Variants in LEMD2 observed in about 807,000 individuals in gnomAD.
LEMD2 encodes the protein LEM domain nuclear envelope protein 2, also known as LEM domain-containing protein 2.
In LEMD2, 34 loss-of-function variants were observed where a neutral mutation model predicts 58.8. The observed-to-expected ratio is 0.58, with a 90% CI of 0.44 to 0.77. LEMD2 has a LOEUF of 0.77. Among genes scored for constraint, LEMD2 ranks in the 30% least tolerant of loss-of-function variants. LEMD2 has a pLI of 0.00. For synonymous variants in LEMD2, 298 were observed against 308.9 expected (o/e 0.96, Z 0.37); for missense variants, 629 against 717.9 (o/e 0.88, Z 1.42).
At position 33,776,997 on chromosome 6, in the gene LEMD2, C is replaced by G; in HGVS notation, c.1318G>C (p.Gly440Arg). Residue 440 changes from glycine to arginine, a missense_variant, in exon 8 of 9, where the codon GGC becomes CGC. Gly to Arg is a moderately radical substitution (Grantham distance 125). Transcript: ENST00000293760. ...EQDMERYPYV[G>R]ILHVRDSLIP... ...AAGCTGTCGCGCACGTGCAGGATGC[C>G]TACATATGGATAGCGCTCCATGTCC... The G allele has an allele frequency of 3.7e-6, 6 of 1,614,154 alleles. No individual in the cohort carries two copies. The highest frequency in any genetic ancestry group is 5.1e-6 in the Non-Finnish European group (6 of 1,180,028).
At position 33,776,960 on chromosome 6, in the gene LEMD2, T is replaced by G; in HGVS notation, c.1355A>C (p.Gln452Pro). Residue 452 changes from glutamine to proline, a missense_variant, in exon 8 of 9, where the codon CAG (glutamine) becomes CCG (proline). Coordinates refer to ENST00000293760, the MANE Select transcript of LEMD2 (RefSeq NM_181336.4). ...GCCCCAGCCAGGGACTCACCGGCTC[T>G]GTGGAGGGATCAAGCTGTCGCGCAC... ...LHVRDSLIPP[Q>P]SRRRMKRVWD... The G allele has an allele frequency of 6.2e-7, 1 of 1,613,312 alleles. No individual in the cohort carries two copies. The highest frequency in any genetic ancestry group is 1.8e-4 in the Middle Eastern group (1 of 5,538).
chr6:33,778,611 G>A lies in LEMD2; in HGVS notation c.1011-224C>T, dbSNP rs113062751. ...ACGGCAGCAGGCTTGAACCCCTACC[G>A]CTAAAGCAACGTCCCCCTGTCAGGT... On this transcript the variant is annotated intron_variant, in intron 5 of 8. Transcript: ENST00000293760. This position sits in a 1 kb window ranked among gnomAD's most constrained non-coding sequence, Gnocchi z 4.7. 5 of 379,378 alleles carry A rather than the reference G, an allele frequency of 1.3e-5. No homozygotes were observed. The highest frequency in any genetic ancestry group is 4.1e-5 in the African/African-American group (2 of 48,266). 23.5% of individuals were successfully genotyped at this position (379,378 alleles called of 1,614,324 possible).
intron 3 of LEMD2, chr6:33,781,493 C>T (rs928891228): frequency 2.2e-5 from 5 of 226,766 alleles, no homozygotes; most frequent in African/African-American, 1.1e-4. Flanking sequence ...TAAACACAGC[C>T]TGAGAAAAAA....
At position 33,777,056 on chromosome 6, in the gene LEMD2, T is replaced by C; in HGVS notation, c.1259A>G (p.Asp420Gly). The C allele has an allele frequency of 3.1e-6, 5 of 1,613,706 alleles. No individual in the cohort carries two copies. The highest frequency in any genetic ancestry group is 4.2e-6 in the Non-Finnish European group (5 of 1,179,584). ...AMYEMVKKII[D>G]VVQDHYVDWE... ...GTCCACGTAATGGTCCTGGACCACG[T>C]CTGCAGGAGAGAGCACACCATTTAG... Residue 420 changes from aspartate (D) to glycine (G), a missense_variant and splice_region_variant, in exon 8 of 9, where the codon GAC (aspartate) becomes GGC (glycine). By Grantham distance (94) the Asp-to-Gly change is moderately conservative. Transcript: ENST00000293760.
intron 8 of LEMD2, among the ~76,000 whole-genome samples, chr6:33,773,598 G>GGC (rs973371019): frequency 1.4e-5 from 2 of 145,446 alleles, no homozygotes; most frequent in African/African-American, 4.9e-5. Context: ...AGGAGGCGGG[G>GGC]GGGGGGCTAG....
At chr6:33,784,511 T>C in intron 2 of LEMD2, 84 bp from the exon 3 acceptor site, 1 of 792,414 alleles carries the variant, frequency 1.3e-6, no homozygotes, top group Non-Finnish European at 2.1e-6. Context: ...CCAGCCACAC[T>C]GTCAAATACT....
chr6:33,784,563 A>C, intron 2 of LEMD2, 136 bp from the exon 3 acceptor site: 1 of 646,354 alleles, frequency 1.5e-6, no homozygotes, highest in Non-Finnish European at 2.7e-6. Flanking sequence ...AATAGAAAAA[A>C]ATTCTGCCAA....
chr6:33,775,929 C>A (rs1332245423), intron 8 of LEMD2, among the ~76,000 whole-genome samples: 1 of 152,186 alleles, frequency 6.6e-6, no homozygotes, highest in African/African-American at 2.4e-5. Context: ...CAGCATCTGG[C>A]CAGAAACCAC....
intron 8 of LEMD2, among the ~76,000 whole-genome samples, chr6:33,774,137 C>A (rs1223444140): frequency 1.8e-4 from 28 of 151,962 alleles, no homozygotes; most frequent in Admixed American, 1.8e-3. Context: ...TAATGGCTAC[C>A]CTTGGATGAT....
chr6:33,772,882 T>C lies in LEMD2; in HGVS notation c.1362-104A>G, dbSNP rs542639277. On this transcript the variant is annotated intron_variant, in intron 8 of 8. Coordinates refer to ENST00000293760, the MANE Select transcript of LEMD2 (RefSeq NM_181336.4). ...ACATTTCCAGGCTCTGGCATGGAAT[T>C]TATGTAAGAGAGGAAAAGCTGGCAG... The C allele has an allele frequency of 3.3e-5, 36 of 1,092,962 alleles. No homozygotes were observed. In the Middle Eastern group the frequency reaches 8.6e-4, roughly 26 times the overall value. 67.7% of individuals were successfully genotyped at this position (1,092,962 alleles called of 1,614,324 possible).
chr6:33,780,835 G>A (rs930810474), intron 4 of LEMD2, among the ~76,000 whole-genome samples: 1 of 152,216 alleles, frequency 6.6e-6, no homozygotes, highest in African/African-American at 2.4e-5. Flanking sequence ...CACCTACAGT[G>A]CAGCAGTCAG....
At chr6:33,774,069 C>T (rs1051236471) in intron 8 of LEMD2, among the ~76,000 whole-genome samples, 9 of 152,104 alleles carry the variant, frequency 5.9e-5, no homozygotes, top group African/African-American at 1.7e-4. Flanking sequence ...GCTGCAGTGC[C>T]GTCTCATGCT....
At position 33,771,410 on chromosome 6, in the gene LEMD2, G is replaced by T. The variant is rs1767286797; in HGVS notation, c.*1218C>A. On this transcript the variant is annotated 3_prime_UTR_variant, in exon 9 of 9. Coordinates refer to ENST00000293760, the MANE Select transcript of LEMD2 (RefSeq NM_181336.4). ...AGTATTGCTCAAATGAGGGAGACTG[G>T]AGCTTTATTAAGGAAACAAAAAATA... is the stretch of plus-strand genomic sequence containing the variant. 2 of 152,252 alleles carry T rather than the reference G, an allele frequency of 1.3e-5. No individual in the cohort carries two copies. The highest frequency in any genetic ancestry group is 4.1e-4 in the South Asian group (2 of 4,834). The allele number at this position is 152,252 out of a possible 1,614,324, so 9.4% of individuals were successfully genotyped here.
At position 33,777,153 on chromosome 6, in the gene LEMD2, C is replaced by G; in HGVS notation, c.1243G>C (p.Val415Leu). The change falls in exon 7 of 9, where the codon GTG (valine) becomes CTG (leucine). Residue 415 changes from valine to leucine, a missense_variant. By Grantham distance (32) the Val-to-Leu change is conservative (BLOSUM62 1). This residue lies in a region of LEMD2 where 243 missense variants were observed against 336.8 expected (regional missense o/e 0.72). Coordinates refer to ENST00000293760, the MANE Select transcript of LEMD2 (RefSeq NM_181336.4). The stretch of plus-strand genomic sequence containing the variant: ...GGCCACGCACCTATAATCTTCTTCA[C>G]CATCTCATACATGGCTTGTTCCTCC... ...EEEEQAMYEM[V>L]KKIIDVVQDH... 1.2e-6 allele frequency: 2 copies of G among 1,614,132 alleles called. No individual in the cohort carries two copies. The highest frequency in any genetic ancestry group is 1.7e-6 in the Non-Finnish European group (2 of 1,179,926).
At chr6:33,780,743 G>A (rs779754120) in intron 4 of LEMD2, among the ~76,000 whole-genome samples, 2 of 152,170 alleles carry the variant, frequency 1.3e-5, no homozygotes, top group Non-Finnish European at 2.9e-5. Flanking sequence ...TAATCATACG[G>A]GGGAGAAGGG....
chr6:33,789,040 G>C lies in LEMD2; in HGVS notation c.77C>G (p.Thr26Ser), dbSNP rs201742534. 1.3e-6 allele frequency: 2 copies of C among 1,558,060 alleles called. No homozygotes were observed. Among genetic ancestry groups the C allele is most frequent in the Admixed American group, 3.7e-5 (2 of 53,502 alleles). ...LGFQPGPITDTTRDVYRNKLR... is the reference protein window; with the variant it reads ...LGFQPGPITDSTRDVYRNKLR... ...CTTGTTGCGGTAGACATCCCGGGTG[G>C]TGTCGGTGATGGGTCCTGGCTGGAA... Residue 26 changes from threonine to serine, a missense_variant, in exon 1 of 9, where the codon ACC becomes AGC. Thr to Ser is a moderately conservative substitution (Grantham distance 58). Transcript: ENST00000293760.
At chr6:33,786,122 A>G (rs1582263136) in intron 2 of LEMD2, among the ~76,000 whole-genome samples, 2 of 152,238 alleles carry the variant, frequency 1.3e-5, no homozygotes, top group South Asian at 2.1e-4. Flanking sequence ...TTACTGCCCC[A>G]TATCTTCTCC....
intron 8 of LEMD2, among the ~76,000 whole-genome samples, chr6:33,776,327 A>G (rs916906239): frequency 7.9e-5 from 12 of 152,240 alleles, no homozygotes; most frequent in Admixed American, 2.0e-4. Flanking sequence ...ACTGATTCAT[A>G]AACAGACATG....
chr6:33,781,976 AGTGAG>A lies in LEMD2; in HGVS notation c.854-828_854-824del. On this transcript the variant is annotated intron_variant, in intron 3 of 8. Transcript: ENST00000293760. The stretch of plus-strand genomic sequence containing the variant: ...ACAGCCTGGGGGACTTCGGGTGGCC[AGTGAG>A]TGTGTTTCTGCATGCTGGGGAAGGG... 5 of 152,492 alleles carry A rather than the reference AGTGAG, an allele frequency of 3.3e-5. No individual in the cohort carries two copies. The East Asian group carries it at 9.7e-4, about 29-fold the overall frequency. The allele number at this position is 152,492 out of a possible 1,614,324, so 9.4% of individuals were successfully genotyped here. A position where few individuals can be genotyped will look rare whatever the true frequency, so the allele number is the denominator to read the frequency against.
Sources: allele counts gnomAD v4.1 joint callset (sites outside exome capture counted in the v4.1 genomes callset), GRCh38; gene constraint gnomAD v4.1.1; regional missense constraint gnomAD v4.1.1; non-coding constraint Gnocchi (gnomAD v3.1); transcripts MANE v1.5; gene names NCBI Gene and HGNC (gene_info 2026-07-23, HGNC 2026-07-21).